The following ABCF1 variants were observed in gnomAD, a reference collection of about 807,000 sequenced individuals.
The protein encoded by ABCF1 is ATP binding cassette subfamily F member 1.
In ABCF1, 73 loss-of-function variants were observed where a neutral mutation model predicts 126.3. The ratio of observed to expected loss-of-function variants is 0.58; its 90% CI spans 0.48 to 0.70. ABCF1 has a LOEUF of 0.70. Ranked by LOEUF, ABCF1 falls within the 30% of genes least tolerant of loss-of-function variation. The pLI, the probability that ABCF1 is intolerant of heterozygous loss-of-function variation, is 0.00. For synonymous variants in ABCF1, 345 were observed against 396.4 expected (o/e 0.87, Z 1.54); for missense variants, 786 against 1,057.5 (o/e 0.74, Z 3.56).
At chr6:30,582,803 C>T (rs754652357) in intron 9 of ABCF1, among the ~76,000 whole-genome samples, 74 of 152,300 alleles carry the variant, frequency 4.9e-4, no homozygotes, top group Non-Finnish European at 8.4e-4. Context: ...AAGTGATCCT[C>T]CCACCTCAGC....
intron 20 of ABCF1, 68 bp from the exon 21 acceptor site, chr6:30,589,619 AG>A: frequency 1.4e-6 from 2 of 1,471,912 alleles, no homozygotes; most frequent in South Asian, 2.4e-5. Context: ...AAAAAAAAAA[AG>A]TTGATGTATG....
Position 30,579,900 on chromosome 6 carries a change from T to C in ABCF1, c.490-31T>C, listed in dbSNP as rs767344971. ...AAAGTAGCACAATAATTTGTATGTATGTGTGTAATGTGTATGTGTGTCTCC... is the reference window on the plus strand; with the variant it reads ...AAAGTAGCACAATAATTTGTATGTACGTGTGTAATGTGTATGTGTGTCTCC... On this transcript the variant is annotated intron_variant, in intron 6 of 24. Transcript: ENST00000326195. The C allele has an allele frequency of 2.5e-6, 4 of 1,600,920 alleles. No individual in the cohort carries two copies. In the East Asian group the frequency reaches 9.0e-5, roughly 36 times the overall value.
chr6:30,578,325 A>G (rs1466678338), intron 4 of ABCF1, 23 bp from the exon 5 acceptor site: 3 of 1,613,102 alleles, frequency 1.9e-6, no homozygotes, highest in African/African-American at 2.7e-5. Context: ...TTCCTATCTC[A>G]TGTTCTCCCC....
chr6:30,578,568 G>A lies in ABCF1; in HGVS notation c.480G>A (p.Arg160=), dbSNP rs779849398. ...AGCCTGCCAAGCCGGAGAAGAATCGGATCAATAAGGTGACAGTGGTGGCTC... is the reference window on the plus strand; with the variant it reads ...AGCCTGCCAAGCCGGAGAAGAATCGAATCAATAAGGTGACAGTGGTGGCTC... ...PPKPAKPEKN[R]INKAVSEEQQ... The change falls in exon 6 of 25, where the codon CGG becomes CGA. Residue 160 remains arginine, a synonymous_variant. Transcript: ENST00000326195. 1.9e-6 allele frequency: 3 copies of A among 1,613,618 alleles called. No individual in the cohort carries two copies. Among genetic ancestry groups the A allele is most frequent in the South Asian group, 2.2e-5 (2 of 91,020 alleles).
Position 30,583,984 on chromosome 6 carries a change from T to G in ABCF1, c.1102+94T>G. ...AATAGAAGAAATTGTGGCTATGGAG[T>G]TGGAAGGGATGTGGAGGGAGACTGG... is the stretch of plus-strand genomic sequence containing the variant. On this transcript the variant is annotated intron_variant, in intron 12 of 24. Coordinates refer to ENST00000326195, the MANE Select transcript of ABCF1 (RefSeq NM_001025091.2). This position sits in a 1 kb window ranked among gnomAD's most constrained non-coding sequence, Gnocchi z 4.1. 1 of 1,492,762 alleles carries G rather than the reference T, an allele frequency of 6.7e-7. No individual in the cohort carries two copies. Among genetic ancestry groups the G allele is most frequent in the East Asian group, 2.3e-5 (1 of 43,328 alleles). 92.5% of individuals were successfully genotyped at this position (1,492,762 alleles called of 1,614,324 possible).
At chr6:30,573,007 A>G (rs1161538456) in intron 1 of ABCF1, among the ~76,000 whole-genome samples, 1 of 152,226 alleles carries the variant, frequency 6.6e-6, no homozygotes, top group Non-Finnish European at 1.5e-5. Flanking sequence ...TCCTAAAGAC[A>G]TTAAGAAGGA....
intron 8 of ABCF1, 144 bp downstream of exon 8, chr6:30,580,663 G>T (rs900241268): frequency 1.9e-6 from 1 of 540,180 alleles, no homozygotes. Context: ...TGGGGTGGTG[G>T]TTCGTTTGTT....
chr6:30,590,164 G>A lies in ABCF1; in HGVS notation c.2249G>A (p.Arg750Gln). 1 of 1,613,072 alleles carries A rather than the reference G, an allele frequency of 6.2e-7. No homozygotes were observed. The highest frequency in any genetic ancestry group is 8.5e-7 in the Non-Finnish European group (1 of 1,180,018). ...TTTGCTACAGGTGGTCAGAAGGCGCGAGTTGTGTTTGCTGAGCTGGCCTGT... is the reference window on the plus strand; with the variant it reads ...TTTGCTACAGGTGGTCAGAAGGCGCAAGTTGTGTTTGCTGAGCTGGCCTGT... ...ICKLSGGQKA[R>Q]VVFAELACRE... The change falls in exon 23 of 25, where the codon CGA becomes CAA. Residue 750 changes from arginine to glutamine, a missense_variant. This residue lies in a region of ABCF1 where 288 missense variants were observed against 423.5 expected (regional missense o/e 0.68). Coordinates refer to ENST00000326195, the MANE Select transcript of ABCF1 (RefSeq NM_001025091.2).
intron 20 of ABCF1, among the ~76,000 whole-genome samples, chr6:30,587,604 C>T (rs1323532242): frequency 6.6e-6 from 1 of 151,752 alleles, no homozygotes; most frequent in African/African-American, 2.4e-5. Flanking sequence ...TATTGCACTC[C>T]AGCCTGGGCA....
chr6:30,591,022 C>G lies in ABCF1; in HGVS notation c.*321C>G, dbSNP rs1802426246. 1 of 308,708 alleles carries G rather than the reference C, an allele frequency of 3.2e-6. No homozygotes were observed. The highest frequency in any genetic ancestry group is 5.5e-5 in the East Asian group (1 of 18,324). The allele number at this position is 308,708 out of a possible 1,614,324, so 19.1% of individuals were successfully genotyped here. ...ATGTGGCCTATTGTCTCAGGACTCT[C>G]ATCACTCAGAAGCCTGCCTCTGATT... On this transcript the variant is annotated 3_prime_UTR_variant, in exon 25 of 25. Coordinates refer to ENST00000326195, the MANE Select transcript of ABCF1 (RefSeq NM_001025091.2).
intron 1 of ABCF1, among the ~76,000 whole-genome samples, chr6:30,572,234 G>A (rs1444248871): frequency 1.3e-5 from 2 of 152,184 alleles, no homozygotes; most frequent in South Asian, 2.1e-4. Flanking sequence ...ACCCCAGTAG[G>A]TACACAGTAA....
Position 30,586,492 on chromosome 6 carries a change from A to C in ABCF1, c.1904A>C (p.Gln635Pro). ...CTTTCAGGTGTGACATTCGGCTACCAGGGACAGAAACCACTCTTTAAGAAC... is the reference window on the plus strand; with the variant it reads ...CTTTCAGGTGTGACATTCGGCTACCCGGGACAGAAACCACTCTTTAAGAAC... ...LGLHGVTFGY[Q>P]GQKPLFKNLD... is the part of the protein sequence containing the mutation. The change falls in exon 19 of 25, where the codon CAG becomes CCG. Residue 635 changes from glutamine (Q) to proline (P), a missense_variant. Physicochemically the swap from Gln to Pro is moderately conservative, Grantham distance 76 (BLOSUM62 -1). Around this residue, in one of 4 missense-constraint regions of ABCF1, gnomAD observed 288 missense variants for 423.5 expected, o/e 0.68. Coordinates refer to ENST00000326195, the MANE Select transcript of ABCF1 (RefSeq NM_001025091.2). The surrounding 1 kb of genome is among the most constrained non-coding windows in gnomAD (Gnocchi z 4.9). 1 of 1,613,558 alleles carries C rather than the reference A, an allele frequency of 6.2e-7. No homozygotes were observed. The highest frequency in any genetic ancestry group is 1.1e-5 in the South Asian group (1 of 91,078).
At position 30,589,951 on chromosome 6, in the gene ABCF1, C is replaced by A; in HGVS notation, c.2210C>A (p.Thr737Asn). 1 of 1,613,618 alleles carries A rather than the reference C, an allele frequency of 6.2e-7. No homozygotes were observed. Among genetic ancestry groups the A allele is most frequent in the South Asian group, 1.1e-5 (1 of 91,070 alleles). ...TTCGGCCTGGAGAGTCACGCCCACA[C>A]CATCCAGATCTGCAAACTCTCTGGT... Reference protein sequence around the residue: ...GRFGLESHAHTIQICKLSGGQ... With the variant: ...GRFGLESHAHNIQICKLSGGQ... Residue 737 changes from threonine (T) to asparagine (N), a missense_variant, in exon 22 of 25, where the codon ACC becomes AAC. Coordinates refer to ENST00000326195, the MANE Select transcript of ABCF1 (RefSeq NM_001025091.2).
In ABCF1 at chr6:30,590,135, T is replaced by A. The variant is rs367772293; in HGVS notation, c.2234-14T>A. The A allele has an allele frequency of 9.4e-5, 151 of 1,612,940 alleles. No homozygotes were observed. Among genetic ancestry groups the A allele is most frequent in the Non-Finnish European group, 1.2e-4 (145 of 1,180,014 alleles). On this transcript the variant is annotated splice_polypyrimidine_tract_variant and intron_variant, in intron 22 of 24. Coordinates refer to ENST00000326195, the MANE Select transcript of ABCF1 (RefSeq NM_001025091.2). ...GGTGCTAGGTGTGACAGCCCTCCCC[T>A]TCCTTTGCTACAGGTGGTCAGAAGG...
Position 30,584,559 on chromosome 6 carries a change from C to T in ABCF1, c.1384C>T (p.Leu462=). 1 of 1,598,082 alleles carries T rather than the reference C, an allele frequency of 6.3e-7. No homozygotes were observed. Among genetic ancestry groups the T allele is most frequent in the Non-Finnish European group, 8.5e-7 (1 of 1,171,550 alleles). The change falls in exon 14 of 25, where the codon CTG becomes TTG. Residue 462 remains leucine (L), a synonymous_variant. Transcript: ENST00000326195. The surrounding 1 kb of genome is among the most constrained non-coding windows in gnomAD (Gnocchi z 4.6). ...FSGGWRMRVS[L]ARALFMEPTL... ...AGGGGGCTGGCGCATGCGTGTCTCC[C>T]TGGCCAGGTGGGCCATTCACCTCAC... is the stretch of plus-strand genomic sequence containing the variant.
intron 8 of ABCF1, among the ~76,000 whole-genome samples, chr6:30,582,042 A>G (rs1345255458): frequency 2.0e-5 from 3 of 150,330 alleles, no homozygotes; most frequent in African/African-American, 7.3e-5. Flanking sequence ...TTCTAGAAGG[A>G]GTCCCTAGTT....
chr6:30,577,920 G>A lies in ABCF1; in HGVS notation c.216+7G>A. 1.9e-6 allele frequency: 3 copies of A among 1,613,908 alleles called. No homozygotes were observed. Among genetic ancestry groups the A allele is most frequent in the Non-Finnish European group, 2.5e-6 (3 of 1,179,986 alleles). On this transcript the variant is annotated splice_region_variant and intron_variant, in intron 3 of 24. Coordinates refer to ENST00000326195, the MANE Select transcript of ABCF1 (RefSeq NM_001025091.2). ...GCAGCAACAGCAACAGCAGGTACAA[G>A]TGCCACAGGGCCCACCAATCCTGGG... is the stretch of plus-strand genomic sequence containing the variant.
chr6:30,571,465 C>T lies in ABCF1; in HGVS notation c.-23C>T, dbSNP rs1185484501. On this transcript the variant is annotated 5_prime_UTR_variant, in exon 1 of 25. Transcript: ENST00000326195. ...GCGGAAATAGCACCGGGCGCCGCCA[C>T]AGTAGCTGTAACTGCCACCGCGATG... 6.2e-7 allele frequency: 1 copy of T among 1,603,674 alleles called. No homozygotes were observed. Among genetic ancestry groups the T allele is most frequent in the Non-Finnish European group, 8.5e-7 (1 of 1,176,078 alleles).
Position 30,584,680 on chromosome 6 carries a change from C to T in ABCF1, c.1391+114C>T. ...AGGGAGGCTCAAGGCTTACCTCTCCCTCCTTACTATCTGTGTTGTGAGAAC... is the reference window on the plus strand; with the variant it reads ...AGGGAGGCTCAAGGCTTACCTCTCCTTCCTTACTATCTGTGTTGTGAGAAC... On this transcript the variant is annotated intron_variant, in intron 14 of 24. Transcript: ENST00000326195. This position sits in a 1 kb window ranked among gnomAD's most constrained non-coding sequence, Gnocchi z 4.6. 1 of 1,343,176 alleles carries T rather than the reference C, an allele frequency of 7.4e-7. No individual in the cohort carries two copies. Among genetic ancestry groups the T allele is most frequent in the Non-Finnish European group, 1.0e-6 (1 of 995,922 alleles). 83.2% of individuals were successfully genotyped at this position (1,343,176 alleles called of 1,614,324 possible). A position where few individuals can be genotyped will look rare whatever the true frequency, so the allele number is the denominator to read the frequency against.
Sources: allele counts gnomAD v4.1 joint callset (sites outside exome capture counted in the v4.1 genomes callset), GRCh38; gene constraint gnomAD v4.1.1; regional missense constraint gnomAD v4.1.1; non-coding constraint Gnocchi (gnomAD v3.1); transcripts MANE v1.5; gene names NCBI Gene and HGNC (gene_info 2026-07-23, HGNC 2026-07-21).